Variants in IL33 observed in about 807,000 individuals in gnomAD.
IL33 encodes interleukin 33.
In IL33, 37 loss-of-function variants were observed where a neutral mutation model predicts 27.3. The ratio of observed to expected loss-of-function variants is 1.36; its 90% CI spans 1.04 to 1.78. The LOEUF (loss-of-function observed/expected upper bound fraction) is 1.78, where lower values mean the gene tolerates loss of function less well. IL33 is among the 40% of genes most tolerant of loss of function. IL33 has a pLI of 0.00. For missense variants in IL33, 406 were observed against 311.4 expected (o/e 1.30, Z -2.29); for synonymous variants, 132 against 102.9 (o/e 1.28, Z -1.71).
chr9:6,241,848 T>C, intron 2 of IL33, 63 bp downstream of exon 2: 1 of 1,085,044 alleles, frequency 9.2e-7, no homozygotes, highest in South Asian at 1.5e-5. Flanking sequence ...CAAATATTTA[T>C]ACTCCAATGT....
chr9:6,253,240 G>T (rs1175315800), intron 5 of IL33, among the ~76,000 whole-genome samples: 1 of 152,168 alleles, frequency 6.6e-6, no homozygotes, highest in East Asian at 1.9e-4. Context: ...GTGAAAGATG[G>T]AAAGAGGGGC....
At chr9:6,226,982 T>C (rs571304224) in intron 1 of IL33, among the ~76,000 whole-genome samples, 1 of 152,366 alleles carries the variant, frequency 6.6e-6, no homozygotes, top group South Asian at 2.1e-4. Context: ...AAAACTACTT[T>C]ATACTTAATT....
At chr9:6,244,637 G>A (rs2130353323) in intron 2 of IL33, among the ~76,000 whole-genome samples, 1 of 152,266 alleles carries the variant, frequency 6.6e-6, no homozygotes, top group East Asian at 1.9e-4. Flanking sequence ...ATGGGGGCAA[G>A]CAGGATAGAG....
intron 2 of IL33, chr9:6,242,454 A>C (rs1819584966): frequency 6.6e-6 from 1 of 152,248 alleles, no homozygotes; most frequent in Non-Finnish European, 1.5e-5. Flanking sequence ...ATTTCTAAAC[A>C]GAACTACCAT....
intron 1 of IL33, among the ~76,000 whole-genome samples, chr9:6,228,655 G>A (rs1388904825): frequency 3.3e-5 from 5 of 152,066 alleles, no homozygotes; most frequent in East Asian, 3.9e-4. Flanking sequence ...CCAGGAGTTC[G>A]AGACCAGCCT....
At chr9:6,252,833 G>C (rs750879040) in intron 4 of IL33, 33 bp from the exon 5 acceptor site, 1 of 1,589,004 alleles carries the variant, frequency 6.3e-7, no homozygotes, top group African/African-American at 1.4e-5. Context: ...CAAAAGAATT[G>C]TGCCTGACAA....
At position 6,241,780 on chromosome 9, in the gene IL33, T is replaced by C; in HGVS notation, c.86T>C (p.Leu29Pro). The part of the protein sequence containing the change: ...NTASKALCFK[L>P]GKSQQKAKEV... ...GCAAGCAAAGCCTTGTGTTTCAAGCTGGGAAGTAAGGACTTAAGTTATCTC... is the reference window on the plus strand; with the variant it reads ...GCAAGCAAAGCCTTGTGTTTCAAGCCGGGAAGTAAGGACTTAAGTTATCTC... The change falls in exon 2 of 8, where the codon CTG becomes CCG. Residue 29 changes from leucine to proline, a missense_variant. Leu to Pro is a moderately conservative substitution (Grantham distance 98, BLOSUM62 -3). Transcript: ENST00000682010. 1 of 1,607,356 alleles carries C rather than the reference T, an allele frequency of 6.2e-7. No homozygotes were observed. The highest frequency in any genetic ancestry group is 8.5e-7 in the Non-Finnish European group (1 of 1,176,376).
chr9:6,241,323 T>A (rs1301556374), intron 1 of IL33, among the ~76,000 whole-genome samples: 1 of 152,244 alleles, frequency 6.6e-6, no homozygotes, highest in South Asian at 2.1e-4. Context: ...TATACTTTTA[T>A]ACAACTGGCA....
At chr9:6,240,136 G>C (rs1819446041) in intron 1 of IL33, among the ~76,000 whole-genome samples, 1 of 152,192 alleles carries the variant, frequency 6.6e-6, no homozygotes, top group Non-Finnish European at 1.5e-5. Context: ...TTGTAAAATA[G>C]TTGAAGAGAT....
At chr9:6,217,406 T>C (rs530816035) in intron 1 of IL33, among the ~76,000 whole-genome samples, 9 of 152,234 alleles carry the variant, frequency 5.9e-5, no homozygotes, top group Non-Finnish European at 1.0e-4. Flanking sequence ...GTTATTATCA[T>C]TTAAACCATA....
chr9:6,225,672 C>G (rs1186783727), intron 1 of IL33, among the ~76,000 whole-genome samples: 1 of 152,102 alleles, frequency 6.6e-6, no homozygotes, highest in East Asian at 1.9e-4. Flanking sequence ...TGATTTTTTT[C>G]CTCCTCCAAA....
At chr9:6,222,702 C>T (rs1179020758) in intron 1 of IL33, among the ~76,000 whole-genome samples, 1 of 152,204 alleles carries the variant, frequency 6.6e-6, no homozygotes, top group African/African-American at 2.4e-5. Context: ...CCCCTTTATA[C>T]TAGCCAACTT....
intron 1 of IL33, among the ~76,000 whole-genome samples, chr9:6,226,958 G>T (rs1377399842): frequency 6.6e-6 from 1 of 152,196 alleles, no homozygotes; most frequent in Non-Finnish European, 1.5e-5. Context: ...TTTGCCTTGG[G>T]GCACTGCCAA....
chr9:6,250,574 C>A lies in IL33; in HGVS notation c.192C>A (p.Thr64=). 1 of 1,613,814 alleles carries A rather than the reference C, an allele frequency of 6.2e-7. No individual in the cohort carries two copies. The highest frequency in any genetic ancestry group is 8.5e-7 in the Non-Finnish European group (1 of 1,179,866). ...AGGCCTGTTACTTTAGGAGAGAAAC[C>A]ACCAAAAGGCCTTCACTGAAAACAG... ...KKEACYFRRE[T]TKRPSLKTGR... Residue 64 remains threonine, a synonymous_variant, in exon 3 of 8, where the codon ACC becomes ACA. Coordinates refer to ENST00000682010, the MANE Select transcript of IL33 (RefSeq NM_033439.4).
At chr9:6,226,765 T>C (rs765144577) in intron 1 of IL33, among the ~76,000 whole-genome samples, 2 of 152,264 alleles carry the variant, frequency 1.3e-5, no homozygotes, top group Non-Finnish European at 2.9e-5. Context: ...CTGCTTGTTC[T>C]AATACACAAA....
At chr9:6,234,379 T>G (rs1319504958) in intron 1 of IL33, among the ~76,000 whole-genome samples, 1 of 152,156 alleles carries the variant, frequency 6.6e-6, no homozygotes, top group Non-Finnish European at 1.5e-5. Flanking sequence ...CCCACCTGAG[T>G]TTCCTATTAT....
rs145493044 is a variant in IL33 at position 6,231,666 on chromosome 9, A to G, written c.-11-10018A>G. 1.3e-3 allele frequency among the ~76,000 whole-genome samples: 200 copies of G among 152,342 alleles called. 1 individual carries two copies. The highest frequency in any genetic ancestry group is 4.4e-3 in the African/African-American group (185 of 41,578). On this transcript the variant is annotated intron_variant, in intron 1 of 7. Coordinates refer to ENST00000682010, the MANE Select transcript of IL33 (RefSeq NM_033439.4). ...GAGGGCAAGACAGTTTGCTTTGTTCAGTACTGTATCCCCAGCACCTAGCCC... is the reference window on the plus strand; with the variant it reads ...GAGGGCAAGACAGTTTGCTTTGTTCGGTACTGTATCCCCAGCACCTAGCCC...
chr9:6,242,377 C>G (rs1447873087), intron 2 of IL33: 2 of 152,202 alleles, frequency 1.3e-5, no homozygotes, highest in African/African-American at 4.8e-5. Context: ...ACATAAACAT[C>G]TCTTTGAGGC....
At position 6,257,818 on chromosome 9, in the gene IL33, T is replaced by C. The variant is rs1816825745; in HGVS notation, c.*1650T>C. 1 of 152,170 alleles carries C rather than the reference T, an allele frequency of 6.6e-6. No homozygotes were observed. Among genetic ancestry groups the C allele is most frequent in the Non-Finnish European group, 1.5e-5 (1 of 68,024 alleles). 9.4% of individuals were successfully genotyped at this position (152,170 alleles called of 1,614,324 possible). ...TTTGTTTCATTGTTCTGTCAATAAT[T>C]GTTACCAAAGAGATAAAAATAAAAG... On this transcript the variant is annotated 3_prime_UTR_variant, in exon 8 of 8. Transcript: ENST00000682010.
Sources: allele counts gnomAD v4.1 joint callset (sites outside exome capture counted in the v4.1 genomes callset), GRCh38; gene constraint gnomAD v4.1.1; transcripts MANE v1.5; gene names NCBI Gene and HGNC (gene_info 2026-07-23, HGNC 2026-07-21).